The following HYCC2 variants were observed in gnomAD, a reference collection of about 807,000 sequenced individuals.
HYCC2 encodes hyccin 2.
At chr2:200,981,676 C>T in the HYCC2 span, 4 of 1,614,192 alleles carry the variant, frequency 2.5e-6, no homozygotes, top group Non-Finnish European at 3.4e-6. The surrounding 1 kb of genome is among the most constrained non-coding windows in gnomAD (Gnocchi z 4.5). Flanking sequence ...AGGGCTCTCA[C>T]TGGATTTGAT....
At chr2:201,015,722 C>A in the HYCC2 span, among the ~76,000 whole-genome samples, 1 of 152,188 alleles carries the variant, frequency 6.6e-6, no homozygotes, top group African/African-American at 2.4e-5. Flanking sequence ...AAAACTGACA[C>A]AAAATTGTCT....
chr2:201,049,784 A>G, the HYCC2 span, among the ~76,000 whole-genome samples: 1 of 152,188 alleles, frequency 6.6e-6, no homozygotes, highest in African/African-American at 2.4e-5. Context: ...AATCATTAAC[A>G]ACAATAACAA....
At chr2:201,063,294 A>C in the HYCC2 span, 1 of 1,541,552 alleles carries the variant, frequency 6.5e-7, no homozygotes, top group Non-Finnish European at 8.9e-7. Flanking sequence ...AAGGAGGTGG[A>C]GGCAGCTATG....
chr2:200,974,174 G>A, the HYCC2 span: 1 of 150,732 alleles, frequency 6.6e-6, no homozygotes, highest in Admixed American at 6.6e-5. Context: ...CTAAATACTT[G>A]GGAAGTTTAT....
chr2:201,070,960 T>C, the HYCC2 span, among the ~76,000 whole-genome samples: 5 of 152,168 alleles, frequency 3.3e-5, no homozygotes, highest in Non-Finnish European at 5.9e-5. Flanking sequence ...TCGTGACTAC[T>C]CTATCCTCCA....
chr2:201,001,925 G>C, the HYCC2 span, among the ~76,000 whole-genome samples: 3 of 152,012 alleles, frequency 2.0e-5, no homozygotes, highest in Non-Finnish European at 4.4e-5. Context: ...ACCTGCCTCA[G>C]CTTCCCAAAG....
At chr2:201,020,719 G>C in the HYCC2 span, among the ~76,000 whole-genome samples, 2 of 152,178 alleles carry the variant, frequency 1.3e-5, no homozygotes, top group Non-Finnish European at 2.9e-5. Context: ...AAAGGCAAGA[G>C]AGTGCTGTAG....
chr2:200,980,973 G>A, the HYCC2 span: 12 of 396,004 alleles, frequency 3.0e-5, 1 homozygote, highest in South Asian at 1.2e-4. Flanking sequence ...AAATGGGACC[G>A]ATCAGCCTAC....
chr2:201,017,011 G>A, the HYCC2 span: 1 of 1,613,026 alleles, frequency 6.2e-7, no homozygotes, highest in Non-Finnish European at 8.5e-7. Context: ...ATTCCTAACA[G>A]AAGTGCTTCA....
the HYCC2 span, among the ~76,000 whole-genome samples, chr2:201,031,421 T>G: frequency 6.6e-6 from 1 of 152,112 alleles, no homozygotes; most frequent in East Asian, 1.9e-4. Context: ...GGAGGCCGAG[T>G]CAGGTGGATC....
chr2:201,064,565 T>G, the HYCC2 span, among the ~76,000 whole-genome samples: 13 of 152,266 alleles, frequency 8.5e-5, no homozygotes, highest in East Asian at 2.5e-3. Context: ...TAGTTACTGT[T>G]GTGACCTGAA....
chr2:201,064,027 C>T, the HYCC2 span: 2 of 1,595,122 alleles, frequency 1.3e-6, no homozygotes, highest in Non-Finnish European at 1.7e-6. Context: ...GTAGCAGTAG[C>T]TATGGCAGTG....
At chr2:201,057,238 T>C in the HYCC2 span, among the ~76,000 whole-genome samples, 1 of 152,208 alleles carries the variant, frequency 6.6e-6, no homozygotes, top group African/African-American at 2.4e-5. Flanking sequence ...GTGTCAGATA[T>C]GAACTTTCAA....
chr2:201,045,461 C>T, the HYCC2 span: 1 of 397,580 alleles, frequency 2.5e-6, no homozygotes, highest in Non-Finnish European at 4.4e-6. Flanking sequence ...AAAATTTATT[C>T]TTTATCCTTT....
the HYCC2 span, among the ~76,000 whole-genome samples, chr2:201,003,709 A>T: frequency 2.2e-5 from 3 of 138,802 alleles, no homozygotes; most frequent in African/African-American, 5.2e-5. Context: ...ACTCCATCTT[A>T]AAAAAAAAAA....
chr2:201,042,354 T>C, the HYCC2 span, among the ~76,000 whole-genome samples: 1 of 152,036 alleles, frequency 6.6e-6, no homozygotes, highest in Non-Finnish European at 1.5e-5. Flanking sequence ...AGTGCTGAGA[T>C]TGCAGCCTCT....
the HYCC2 span, among the ~76,000 whole-genome samples, chr2:201,033,025 T>G: frequency 1.3e-5 from 2 of 151,202 alleles, no homozygotes; most frequent in Middle Eastern, 3.2e-3. Context: ...AGGCATTTGT[T>G]TTTTTTTTAA....
chr2:201,015,852 C>T, the HYCC2 span, among the ~76,000 whole-genome samples: 2 of 152,140 alleles, frequency 1.3e-5, no homozygotes, highest in African/African-American at 2.4e-5. Flanking sequence ...AGAAACCTCA[C>T]CGGCTCCTCA....
the HYCC2 span, among the ~76,000 whole-genome samples, chr2:200,992,010 C>T: frequency 1.3e-5 from 2 of 152,104 alleles, no homozygotes; most frequent in Non-Finnish European, 2.9e-5. Context: ...TAGAAATCTT[C>T]CCTTCTCTAG....
Sources: allele counts gnomAD v4.1 joint callset (sites outside exome capture counted in the v4.1 genomes callset), GRCh38; gene constraint gnomAD v4.1.1; non-coding constraint Gnocchi (gnomAD v3.1); transcripts MANE v1.5; gene names NCBI Gene and HGNC (gene_info 2026-07-23, HGNC 2026-07-21).